DNAJB6: variants seen among roughly 807,000 people sequenced by gnomAD.
DNAJB6 encodes DnaJ heat shock protein family (Hsp40) member B6, also known as dnaJ homolog subfamily B member 6.
Under a neutral mutation model 42.7 loss-of-function variants are expected in DNAJB6, and 16 were observed. That is an observed-to-expected ratio of 0.37 (90% CI 0.25 to 0.57). The LOEUF is 0.57. Among genes scored for constraint, DNAJB6 ranks in the 20% least tolerant of loss-of-function variants. The pLI is 0.74. For missense variants in DNAJB6, 347 were observed against 416.8 expected (o/e 0.83, Z 1.46); for synonymous variants, 170 against 163.5 (o/e 1.04, Z -0.30).
intron 8 of DNAJB6, among the ~76,000 whole-genome samples, chr7:157,403,154 A>G (rs1424552579): frequency 6.6e-6 from 1 of 152,214 alleles, no homozygotes; most frequent in Non-Finnish European, 1.5e-5. Flanking sequence ...GATAAGACGA[A>G]TCATTGCATT....
At chr7:157,341,375 C>T (rs191565557) in intron 1 of DNAJB6, among the ~76,000 whole-genome samples, 44 of 152,252 alleles carry the variant, frequency 2.9e-4, no homozygotes, top group African/African-American at 1.0e-3. Context: ...CCACCCGCCT[C>T]GGCCTCCCAA....
At chr7:157,384,623 A>T (rs561430231) in intron 6 of DNAJB6, among the ~76,000 whole-genome samples, 1 of 152,152 alleles carries the variant, frequency 6.6e-6, no homozygotes, top group Non-Finnish European at 1.5e-5. Flanking sequence ...CTGCATGAGG[A>T]GAGGGGGAGG....
chr7:157,413,563 C>T (rs149735023), intron 9 of DNAJB6: 1 of 152,192 alleles, frequency 6.6e-6, no homozygotes, highest in Non-Finnish European at 1.5e-5. Flanking sequence ...TAAGTAGTCA[C>T]TGGTGGGAGA....
intron 9 of DNAJB6, chr7:157,414,961 TTG>T (rs1196846002): frequency 6.6e-6 from 1 of 152,232 alleles, no homozygotes; most frequent in Non-Finnish European, 1.5e-5. Flanking sequence ...CCTACCATGA[TTG>T]TGATTCTCTG....
At chr7:157,358,976 G>C (rs1282108509) in intron 2 of DNAJB6, among the ~76,000 whole-genome samples, 3 of 152,172 alleles carry the variant, frequency 2.0e-5, no homozygotes, top group Non-Finnish European at 4.4e-5. Flanking sequence ...AGAGTACATA[G>C]CACTCAAATT....
intron 7 of DNAJB6, 62 bp from the exon 8 acceptor site, chr7:157,385,479 G>C: frequency 6.4e-7 from 1 of 1,551,946 alleles, no homozygotes; most frequent in Non-Finnish European, 8.8e-7. Flanking sequence ...AAACAACTTA[G>C]TTACCCTCAC....
chr7:157,386,646 G>T (rs1205548518), intron 8 of DNAJB6, among the ~76,000 whole-genome samples: 1 of 152,206 alleles, frequency 6.6e-6, no homozygotes, highest in Non-Finnish European at 1.5e-5. Flanking sequence ...ACTTTGGGAG[G>T]CTGAGGCGGG....
intron 8 of DNAJB6, among the ~76,000 whole-genome samples, chr7:157,398,154 A>G (rs1300052954): frequency 6.6e-6 from 1 of 152,186 alleles, no homozygotes; most frequent in African/African-American, 2.4e-5. Flanking sequence ...GCAGACAGAC[A>G]GCACTGCCTT....
At chr7:157,412,798 A>C (rs1412414451) in intron 9 of DNAJB6, 1 of 152,220 alleles carries the variant, frequency 6.6e-6, no homozygotes, top group Admixed American at 6.5e-5. Flanking sequence ...CCCAGGAGTG[A>C]GCGAGCTTCC....
intron 2 of DNAJB6, among the ~76,000 whole-genome samples, chr7:157,359,871 C>T (rs1292281335): frequency 6.6e-6 from 1 of 152,216 alleles, no homozygotes. Context: ...TTTGAAACCT[C>T]TGCCGAGGAA....
intron 1 of DNAJB6, among the ~76,000 whole-genome samples, chr7:157,347,968 G>C (rs1424105251): frequency 2.7e-5 from 4 of 149,278 alleles, no homozygotes; most frequent in African/African-American, 7.4e-5. Flanking sequence ...GCTAATTTTT[G>C]TATTTTTAGT....
chr7:157,353,854 A>G (rs1341464174), intron 1 of DNAJB6, among the ~76,000 whole-genome samples: 3 of 151,766 alleles, frequency 2.0e-5, no homozygotes, highest in Non-Finnish European at 2.9e-5. Context: ...TGTTGCACAG[A>G]GTTCTCACTG....
At chr7:157,360,165 A>G (rs1402847123) in intron 2 of DNAJB6, among the ~76,000 whole-genome samples, 1 of 152,246 alleles carries the variant, frequency 6.6e-6, no homozygotes, top group Non-Finnish European at 1.5e-5. Flanking sequence ...AATTTGACTT[A>G]CAGTTCCACA....
At chr7:157,405,616 G>C (rs1348022443) in intron 8 of DNAJB6, among the ~76,000 whole-genome samples, 1 of 152,226 alleles carries the variant, frequency 6.6e-6, no homozygotes, top group East Asian at 1.9e-4. Flanking sequence ...GGCATGTCTG[G>C]AGAGCCTGTC....
chr7:157,341,761 T>C (rs1798398936), intron 1 of DNAJB6, among the ~76,000 whole-genome samples: 1 of 152,204 alleles, frequency 6.6e-6, no homozygotes, highest in South Asian at 2.1e-4. Context: ...AGATTCTTTC[T>C]AGTTTGTGTA....
At chr7:157,383,000 T>G (rs1241104641) in intron 6 of DNAJB6, among the ~76,000 whole-genome samples, 3 of 152,050 alleles carry the variant, frequency 2.0e-5, no homozygotes, top group African/African-American at 7.3e-5. Context: ...CTTTTTTTTT[T>G]GTTGTGTTTT....
intron 6 of DNAJB6, 190 bp downstream of exon 6, chr7:157,382,567 A>G (rs759193477): frequency 1.2e-4 from 51 of 414,618 alleles, no homozygotes; most frequent in Non-Finnish European, 1.8e-4. Flanking sequence ...CTTCCTAAGA[A>G]TGTCGTGCTT....
rs111727617 is a variant in DNAJB6 at position 157,408,034 on chromosome 7, A to G, written c.692-1761A>G. On this transcript the variant is annotated intron_variant, in intron 8 of 9. Transcript: ENST00000262177. ...TCACTCACGTCATAGAATCGCAGAC[A>G]GCAGCCCTGCCACCTGTTTGTTCTG... 8.4e-3 allele frequency among the ~76,000 whole-genome samples: 1,275 copies of G among 152,292 alleles called. 23 individuals carry two copies. The highest frequency in any genetic ancestry group is 0.028 in the African/African-American group (1,171 of 41,556).
In DNAJB6 at chr7:157,367,936, A is replaced by G. The variant is rs139474347; in HGVS notation, c.346+453A>G. On this transcript the variant is annotated intron_variant, in intron 5 of 9. Coordinates refer to ENST00000262177, the MANE Select transcript of DNAJB6 (RefSeq NM_058246.4). ...GCAGCATTGGACTAGCCTGAACAAC[A>G]TGGTGAAACCCTGTCTCAACAACAA... Among the ~76,000 whole-genome samples the G allele has an allele frequency of 2.8e-3, 424 of 152,154 alleles. 2 individuals carry two copies. Among genetic ancestry groups the G allele is most frequent in the African/African-American group, 9.7e-3 (401 of 41,498 alleles).
Sources: gnomAD v4.1 joint callset for allele counts (sites outside exome capture counted in the v4.1 genomes callset) on GRCh38, gnomAD v4.1.1 for gene constraint, MANE v1.5 for transcripts, NCBI Gene and HGNC (gene_info 2026-07-23, HGNC 2026-07-21) for gene names.